The following PREPL variants were observed in gnomAD, a reference collection of about 807,000 sequenced individuals.
The protein encoded by PREPL is prolyl endopeptidase-like.
Under a neutral mutation model 70.6 loss-of-function variants are expected in PREPL, and 77 were observed. The observed-to-expected ratio is 1.09, with a 90% CI of 0.91 to 1.32. The LOEUF (loss-of-function observed/expected upper bound fraction) is 1.32. Among genes scored for constraint, PREPL ranks in the 40% most tolerant of loss-of-function variants. The pLI, the probability that PREPL is intolerant of heterozygous loss-of-function variation, is 0.00. For missense variants in PREPL, 1,002 were observed against 778.2 expected, an observed-to-expected ratio of 1.29 and a Z score of -3.42; for synonymous variants, 315 against 264.8, an observed-to-expected ratio of 1.19 and a Z score of -1.84.
At chr2:44,332,393 C>A in intron 8 of PREPL, 66 bp downstream of exon 8, 1 of 1,379,756 alleles carries the variant, frequency 7.2e-7, no homozygotes, top group South Asian at 1.2e-5. Context: ...CCAACAACTG[C>A]ATGGCATCTG....
chr2:44,329,685 G>A (rs774086934), intron 8 of PREPL, among the ~76,000 whole-genome samples: 1 of 151,982 alleles, frequency 6.6e-6, no homozygotes, highest in Admixed American at 6.6e-5. Context: ...AATTTAAAGT[G>A]GTCTTAAAAT....
Position 44,318,950 on chromosome 2 carries a change from T to G in PREPL, c.*2406A>C, listed in dbSNP as rs1672682506. ...CAAATCTGCAATTACAGAAAAAGACTTCAACATACTTTTAGAAAGTAGTAA... is the reference window on the plus strand; with the variant it reads ...CAAATCTGCAATTACAGAAAAAGACGTCAACATACTTTTAGAAAGTAGTAA... On this transcript the variant is annotated 3_prime_UTR_variant, in exon 14 of 14. Coordinates refer to ENST00000409411, the MANE Select transcript of PREPL (RefSeq NM_001171613.2). The G allele has an allele frequency of 6.6e-6, 1 of 152,156 alleles. No homozygotes were observed. The highest frequency in any genetic ancestry group is 1.5e-5 in the Non-Finnish European group (1 of 68,014). The allele number at this position is 152,156 out of a possible 1,614,324, so 9.4% of individuals were successfully genotyped here. A position where few individuals can be genotyped will look rare whatever the true frequency, so the allele number is the denominator to read the frequency against.
At position 44,320,481 on chromosome 2, in the gene PREPL, G is replaced by C. The variant is rs1398255704; in HGVS notation, c.*875C>G. ...TTCTGCCGACAAAGGCAGTAAAGTT[G>C]ATACAAGTGGCATTTTTCTGGACAA... On this transcript the variant is annotated 3_prime_UTR_variant, in exon 14 of 14. Coordinates refer to ENST00000409411, the MANE Select transcript of PREPL (RefSeq NM_001171613.2). 1 of 1,614,022 alleles carries C rather than the reference G, an allele frequency of 6.2e-7. No individual in the cohort carries two copies. Among genetic ancestry groups the C allele is most frequent in the East Asian group, 2.2e-5 (1 of 44,896 alleles).
Position 44,338,406 on chromosome 2 carries a change from T to A in PREPL, c.833A>T (p.Asn278Ile). 6.2e-7 allele frequency: 1 copy of A among 1,613,640 alleles called. No homozygotes were observed. Among genetic ancestry groups the A allele is most frequent in the Non-Finnish European group, 8.5e-7 (1 of 1,179,870 alleles). Residue 278 changes from asparagine (N) to isoleucine (I), a missense_variant, in exon 7 of 14, where the codon AAT becomes ATT. Asn to Ile is a moderately radical substitution (Grantham distance 149). Coordinates refer to ENST00000409411, the MANE Select transcript of PREPL (RefSeq NM_001171613.2). Reference protein sequence around the residue: ...DHCVLFLKHSNLLYVNVIGLA... With the variant: ...DHCVLFLKHSILLYVNVIGLA... Reference sequence around the variant, plus strand: ...ACCAATCACATTAACATAAAGGAGATTGCTGTGCTTCAGAAATAGAACACA... The same window carrying A: ...ACCAATCACATTAACATAAAGGAGAATGCTGTGCTTCAGAAATAGAACACA...
chr2:44,347,443 T>C (rs981860739), intron 1 of PREPL: 13 of 152,084 alleles, frequency 8.5e-5, no homozygotes, highest in African/African-American at 2.7e-4. Context: ...GGAAAAATAA[T>C]AGAAAATAAT....
intron 9 of PREPL, among the ~76,000 whole-genome samples, chr2:44,328,642 C>A (rs1673778992): frequency 6.6e-6 from 1 of 151,996 alleles, no homozygotes. Flanking sequence ...GAAAACAGTT[C>A]AGATTCAGAG....
At chr2:44,349,689 G>C in intron 1 of PREPL, among the ~76,000 whole-genome samples, 1 of 152,216 alleles carries the variant, frequency 6.6e-6, no homozygotes, top group East Asian at 1.9e-4. Context: ...ACGAGGCCGG[G>C]CGCGGTGGCT....
At chr2:44,352,600 G>A (rs1676565755) in intron 1 of PREPL, among the ~76,000 whole-genome samples, 1 of 152,074 alleles carries the variant, frequency 6.6e-6, no homozygotes, top group Non-Finnish European at 1.5e-5. Flanking sequence ...CCTTTCTCAA[G>A]TAGGATGGTA....
At chr2:44,346,482 A>G (rs1675840343) in intron 1 of PREPL, 92 bp from the exon 2 acceptor site, 2 of 1,183,704 alleles carry the variant, frequency 1.7e-6, no homozygotes, top group Non-Finnish European at 1.2e-6. Context: ...CCGTAGACTT[A>G]ACGTTGTACA....
intron 2 of PREPL, among the ~76,000 whole-genome samples, chr2:44,345,672 T>G (rs910225763): frequency 6.6e-6 from 1 of 152,126 alleles, no homozygotes; most frequent in Non-Finnish European, 1.5e-5. Context: ...CGACTGACTA[T>G]TTATGACTGT....
chr2:44,329,130 C>T lies in PREPL; in HGVS notation c.1087-18G>A. ...TTTCCATCCTAGAAATGAAGAATTA[C>T]TATGTATGTAAAGAAGAGTCTTTTA... On this transcript the variant is annotated intron_variant, in intron 8 of 13. Transcript: ENST00000409411. 1 of 1,558,786 alleles carries T rather than the reference C, an allele frequency of 6.4e-7. No homozygotes were observed. Among genetic ancestry groups the T allele is most frequent in the Non-Finnish European group, 8.8e-7 (1 of 1,134,228 alleles).
At chr2:44,336,380 T>C (rs530122083) in intron 7 of PREPL, among the ~76,000 whole-genome samples, 45 of 152,154 alleles carry the variant, frequency 3.0e-4, no homozygotes, top group Non-Finnish European at 5.3e-4. Flanking sequence ...ATAATGTTCT[T>C]TGCAGCAACA....
chr2:44,322,800 T>G lies in PREPL; in HGVS notation c.1684A>C (p.Lys562Gln). ...TTCTCAGTATAACTTACAATTCCTT[T>G]CAGAGGTACCCGTTCATCGTTTTCA... ...AYENDERVPL[K>Q]GIVSYTEKLK... Residue 562 changes from lysine (K) to glutamine (Q), a missense_variant, in exon 12 of 14, where the codon AAA becomes CAA. Transcript: ENST00000409411. 4 of 1,613,882 alleles carry G rather than the reference T, an allele frequency of 2.5e-6. No individual in the cohort carries two copies. Among genetic ancestry groups the G allele is most frequent in the Non-Finnish European group, 3.4e-6 (4 of 1,179,790 alleles).
intron 1 of PREPL, chr2:44,360,423 C>T (rs984926725): frequency 1.3e-5 from 2 of 152,182 alleles, no homozygotes; most frequent in African/African-American, 4.8e-5. Flanking sequence ...GCAAAAAATC[C>T]AATTTGGTTC....
chr2:44,348,373 C>G (rs536987579), intron 1 of PREPL, among the ~76,000 whole-genome samples: 1 of 152,292 alleles, frequency 6.6e-6, no homozygotes, highest in African/African-American at 2.4e-5. Context: ...GACTAAAAAT[C>G]TATTCTGAAA....
chr2:44,347,282 A>C (rs1675930460), intron 1 of PREPL: 1 of 152,254 alleles, frequency 6.6e-6, no homozygotes, highest in South Asian at 2.1e-4. Context: ...GCTGCAGTGA[A>C]GCATGATCAT....
At chr2:44,341,738 A>T (rs1024384225) in intron 5 of PREPL, among the ~76,000 whole-genome samples, 12 of 151,776 alleles carry the variant, frequency 7.9e-5, no homozygotes, top group Non-Finnish European at 4.4e-5. Flanking sequence ...AGAAAAAAAG[A>T]AAAGTAAAAA....
chr2:44,359,063 T>C lies in PREPL; in HGVS notation c.-49+2317A>G, dbSNP rs968689119. ...CATTAGAGCCCTATAAATATATGTA[T>C]ACACTTTTTTTTTTTTTTTTTTTTT... is the stretch of plus-strand genomic sequence containing the variant. On this transcript the variant is annotated intron_variant, in intron 1 of 13. Coordinates refer to ENST00000409411, the MANE Select transcript of PREPL (RefSeq NM_001171613.2). 2.1e-5 allele frequency among the ~76,000 whole-genome samples: 3 copies of C among 142,010 alleles called. No individual in the cohort carries two copies. In the Admixed American group the frequency reaches 2.3e-4, roughly 11 times the overall value. 93.2% of individuals were successfully genotyped at this position (142,010 alleles called of 152,430 possible). A position where few individuals can be genotyped will look rare whatever the true frequency, so the allele number is the denominator to read the frequency against.
At chr2:44,332,426 AT>A (rs1674212045) in intron 8 of PREPL, 32 bp downstream of exon 8, 1 of 1,548,906 alleles carries the variant, frequency 6.5e-7, no homozygotes, top group Admixed American at 1.7e-5. Context: ...CTTTCAGTAA[AT>A]GGGAGCTGAA....
Sources: allele counts gnomAD v4.1 joint callset (sites outside exome capture counted in the v4.1 genomes callset), GRCh38; gene constraint gnomAD v4.1.1; transcripts MANE v1.5; gene names NCBI Gene and HGNC (gene_info 2026-07-23, HGNC 2026-07-21).